TAFA2: variants seen among roughly 807,000 people sequenced by gnomAD.
TAFA2 encodes the protein TAFA chemokine like family member 2, also known as chemokine-like protein TAFA-2.
Under a neutral mutation model 18.8 loss-of-function variants are expected in TAFA2, and 7 were observed. That is an observed-to-expected ratio of 0.37 (90% CI 0.21 to 0.70). The LOEUF is 0.70. Ranked by LOEUF, TAFA2 falls within the 30% of genes least tolerant of loss-of-function variation. TAFA2 has a pLI of 0.53. For synonymous variants in TAFA2, 60 were observed against 54.2 expected (o/e 1.11, Z -0.47); for missense variants, 122 against 158.1 (o/e 0.77, Z 1.23).
intron 1 of TAFA2, among the ~76,000 whole-genome samples, chr12:61,971,018 T>A (rs781323499): frequency 1.2e-4 from 18 of 151,538 alleles, no homozygotes; most frequent in Non-Finnish European, 2.4e-4. Flanking sequence ...AAAAAAGTTA[T>A]AAGATATAGC....
intron 1 of TAFA2, among the ~76,000 whole-genome samples, chr12:61,898,680 T>C (rs1487467442): frequency 1.3e-5 from 2 of 152,070 alleles, no homozygotes; most frequent in African/African-American, 4.8e-5. Flanking sequence ...ATGAAGCCAT[T>C]TTTTCCTCCT....
At chr12:62,119,710 T>A (rs1189912491) in intron 1 of TAFA2, among the ~76,000 whole-genome samples, 1 of 152,160 alleles carries the variant, frequency 6.6e-6, no homozygotes, top group Non-Finnish European at 1.5e-5. Flanking sequence ...TTGCCACATA[T>A]CCACTATTTC....
chr12:62,065,791 G>T (rs952178224), intron 1 of TAFA2, among the ~76,000 whole-genome samples: 2 of 151,424 alleles, frequency 1.3e-5, no homozygotes, highest in Non-Finnish European at 3.0e-5. Context: ...CACCTCAAAA[G>T]TAATATTTAC....
chr12:61,932,956 G>T (rs1317784937), intron 1 of TAFA2, among the ~76,000 whole-genome samples: 1 of 152,174 alleles, frequency 6.6e-6, no homozygotes, highest in Non-Finnish European at 1.5e-5. Context: ...TTATCCAGCT[G>T]CTGTCTCCTG....
chr12:62,167,463 T>C (rs1169349465), intron 1 of TAFA2, among the ~76,000 whole-genome samples: 1 of 152,184 alleles, frequency 6.6e-6, no homozygotes, highest in Non-Finnish European at 1.5e-5. Flanking sequence ...GACTGTTGTA[T>C]GTACATTGCA....
intron 1 of TAFA2, among the ~76,000 whole-genome samples, chr12:61,975,005 G>C (rs1005045283): frequency 4.8e-5 from 7 of 145,504 alleles, no homozygotes; most frequent in Non-Finnish European, 9.2e-5. Flanking sequence ...TCTCTGGGTA[G>C]AAGCCAGATG....
intron 1 of TAFA2, among the ~76,000 whole-genome samples, chr12:61,946,302 C>T (rs903130772): frequency 6.6e-6 from 1 of 150,500 alleles, no homozygotes; most frequent in African/African-American, 2.5e-5. Context: ...ATATAAAAAT[C>T]AATTCAAGAT....
intron 1 of TAFA2, among the ~76,000 whole-genome samples, chr12:62,155,195 A>G (rs1043452151): frequency 6.6e-6 from 1 of 152,194 alleles, no homozygotes; most frequent in African/African-American, 2.4e-5. Context: ...CTCTTTTACA[A>G]TAGCTGCAAA....
Position 61,710,315 on chromosome 12 carries a change from A to G in TAFA2, c.*91T>C, listed in dbSNP as rs1264389448. On this transcript the variant is annotated 3_prime_UTR_variant, in exon 5 of 5. Coordinates refer to ENST00000416284, the MANE Select transcript of TAFA2 (RefSeq NM_178539.5). The stretch of plus-strand genomic sequence containing the variant: ...TTGAGCGCCTCTTTCAAGTGGTATA[A>G]AAATCTTCAAGATCACCTCAGGAGT... The G allele has an allele frequency of 8.1e-7, 1 of 1,240,676 alleles. No individual in the cohort carries two copies. Among genetic ancestry groups the G allele is most frequent in the Non-Finnish European group, 1.2e-6 (1 of 844,672 alleles). The allele number at this position is 1,240,676 out of a possible 1,614,324, so 76.9% of individuals were successfully genotyped here. A position where few individuals can be genotyped will look rare whatever the true frequency, so the allele number is the denominator to read the frequency against.
At chr12:61,862,408 G>T (rs1327389574) in intron 2 of TAFA2, among the ~76,000 whole-genome samples, 1 of 152,162 alleles carries the variant, frequency 6.6e-6, no homozygotes, top group Non-Finnish European at 1.5e-5. Context: ...AAGCACAGAG[G>T]TTTTATTAAG....
At chr12:61,959,696 A>G (rs1212404689) in intron 1 of TAFA2, among the ~76,000 whole-genome samples, 2 of 152,116 alleles carry the variant, frequency 1.3e-5, no homozygotes, top group South Asian at 2.1e-4. Flanking sequence ...GAAAGAGAGA[A>G]CATCTACTCT....
chr12:61,902,934 C>A (rs1369548797), intron 1 of TAFA2, among the ~76,000 whole-genome samples: 3 of 152,110 alleles, frequency 2.0e-5, no homozygotes, highest in African/African-American at 4.8e-5. Context: ...CTCCCTTTCC[C>A]TCATTCCCAT....
At chr12:62,102,864 G>A (rs1185150580) in intron 1 of TAFA2, among the ~76,000 whole-genome samples, 2 of 152,068 alleles carry the variant, frequency 1.3e-5, no homozygotes, top group East Asian at 3.9e-4. Context: ...AAGACTCTAG[G>A]GCTGTCCTGA....
At chr12:61,712,793 T>C (rs1211850468) in intron 4 of TAFA2, among the ~76,000 whole-genome samples, 1 of 123,768 alleles carries the variant, frequency 8.1e-6, no homozygotes, top group East Asian at 2.5e-4. Flanking sequence ...GATGAAAGTA[T>C]ACAATCTAAT....
intron 1 of TAFA2, among the ~76,000 whole-genome samples, chr12:62,164,759 C>A (rs2062427969): frequency 6.6e-6 from 1 of 152,016 alleles, no homozygotes; most frequent in Admixed American, 6.6e-5. Context: ...CTGTTAGCTT[C>A]CAGAATGACC....
At chr12:62,020,949 G>C (rs927536733) in intron 1 of TAFA2, among the ~76,000 whole-genome samples, 1 of 152,142 alleles carries the variant, frequency 6.6e-6, no homozygotes, top group African/African-American at 2.4e-5. Flanking sequence ...CCTAAATAAA[G>C]TTTTATTTGA....
intron 1 of TAFA2, among the ~76,000 whole-genome samples, chr12:62,049,829 G>C (rs989592154): frequency 6.6e-6 from 1 of 152,136 alleles, no homozygotes; most frequent in African/African-American, 2.4e-5. Context: ...ATCTTGCCAA[G>C]AAATTGCAGA....
At chr12:62,092,198 C>G (rs1366814470) in intron 1 of TAFA2, among the ~76,000 whole-genome samples, 3 of 151,918 alleles carry the variant, frequency 2.0e-5, no homozygotes, top group African/African-American at 7.2e-5. Flanking sequence ...TCTCCACTGG[C>G]TCTTACAGGA....
intron 2 of TAFA2, among the ~76,000 whole-genome samples, chr12:61,841,762 C>A (rs1873193813): frequency 6.6e-6 from 1 of 151,926 alleles, no homozygotes; most frequent in African/African-American, 2.4e-5. Flanking sequence ...CTCATCGCAA[C>A]AAAGACACAT....
Sources: gnomAD v4.1 joint callset for allele counts (sites outside exome capture counted in the v4.1 genomes callset) on GRCh38, gnomAD v4.1.1 for gene constraint, MANE v1.5 for transcripts, NCBI Gene and HGNC (gene_info 2026-07-23, HGNC 2026-07-21) for gene names.